HTR3A: variants seen among roughly 807,000 people sequenced by gnomAD.
The protein encoded by HTR3A is 5-hydroxytryptamine (serotonin) receptor 3A, ionotropic.
A neutral mutation model predicts 54.8 loss-of-function variants in HTR3A; 45 were observed. That is an observed-to-expected ratio of 0.82 (90% CI 0.65 to 1.05). The LOEUF (loss-of-function observed/expected upper bound fraction) is 1.05, where lower values mean the gene tolerates loss of function less well. HTR3A is among the 50% of genes least tolerant of loss of function. HTR3A has a pLI of 0.00. For missense variants in HTR3A, 657 were observed against 614.0 expected (o/e 1.07, Z -0.74); for synonymous variants, 297 against 256.0 (o/e 1.16, Z -1.53).
At chr11:113,987,582 T>TG (rs397778986) in intron 8 of HTR3A, among the ~76,000 whole-genome samples, 1 of 150,844 alleles carries the variant, frequency 6.6e-6, no homozygotes, top group Non-Finnish European at 1.5e-5. Context: ...ATTTTTTTTT[T>TG]CAAGTTGGCT....
In HTR3A at chr11:113,983,351, C is replaced by T. The variant is rs559543998; in HGVS notation, c.544+62C>T. Reference sequence around the variant, plus strand: ...TTGGGGGACCCCAGGGACACCTGAGCGAGGAGTGCTCCCCAGGGCGCCTTC... The same window carrying T: ...TTGGGGGACCCCAGGGACACCTGAGTGAGGAGTGCTCCCCAGGGCGCCTTC... On this transcript the variant is annotated intron_variant, in intron 5 of 8. Transcript: ENST00000504030. The T allele has an allele frequency of 1.1e-4, 167 of 1,581,316 alleles. 1 individual carries two copies. The Middle Eastern group carries it at 2.5e-3, about 23-fold the overall frequency.
rs138255450 is a variant in HTR3A, at chr11:113,977,846, G to A, written c.143G>A (p.Gly48Asp). 8 of 1,614,100 alleles carry A rather than the reference G, an allele frequency of 5.0e-6. No homozygotes were observed. Among genetic ancestry groups the A allele is most frequent in the Non-Finnish European group, 6.8e-6 (8 of 1,180,048 alleles). Reference protein sequence around the residue: ...SDYLLTNYRKGVRPVRDWRKP... With the variant: ...SDYLLTNYRKDVRPVRDWRKP... ...TACCTTTTGACCAACTACAGGAAGGGTGTGCGCCCCGTGAGGGACTGGAGG... is the reference window on the plus strand; with the variant it reads ...TACCTTTTGACCAACTACAGGAAGGATGTGCGCCCCGTGAGGGACTGGAGG... The change falls in exon 2 of 9, where the codon GGT becomes GAT. Residue 48 changes from glycine (G) to aspartate (D), a missense_variant. Gly to Asp is a moderately conservative substitution (Grantham distance 94, BLOSUM62 -1). Transcript: ENST00000504030.
chr11:113,978,407 A>T (rs1169252896), intron 2 of HTR3A, among the ~76,000 whole-genome samples: 2 of 152,152 alleles, frequency 1.3e-5, no homozygotes, highest in Non-Finnish European at 2.9e-5. Flanking sequence ...TGCAGAGATA[A>T]ACAAGGAGGC....
At chr11:113,984,762 C>CA (rs530881343) in intron 5 of HTR3A, among the ~76,000 whole-genome samples, 46 of 152,068 alleles carry the variant, frequency 3.0e-4, no homozygotes, top group Non-Finnish European at 5.1e-4. Flanking sequence ...ATTAAAAATA[C>CA]AAAAAATTAG....
chr11:113,983,663 G>A (rs1399880268), intron 5 of HTR3A, among the ~76,000 whole-genome samples: 3 of 152,104 alleles, frequency 2.0e-5, no homozygotes, highest in Non-Finnish European at 4.4e-5. Flanking sequence ...GTGAACTGAC[G>A]GCAAGACGCT....
intron 8 of HTR3A, among the ~76,000 whole-genome samples, chr11:113,987,960 A>G (rs1464661355): frequency 6.6e-6 from 1 of 152,252 alleles, no homozygotes; most frequent in Non-Finnish European, 1.5e-5. Flanking sequence ...TGTAATACTC[A>G]TGACAACCCA....
intron 1 of HTR3A, among the ~76,000 whole-genome samples, chr11:113,976,946 A>G (rs1169678275): frequency 6.6e-6 from 1 of 151,958 alleles, no homozygotes; most frequent in Non-Finnish European, 1.5e-5. Context: ...TGAGCTGTGC[A>G]TGAAATCTTC....
chr11:113,980,594 T>C (rs999685959), intron 3 of HTR3A, among the ~76,000 whole-genome samples: 6 of 152,222 alleles, frequency 3.9e-5, no homozygotes, highest in Admixed American at 2.0e-4. Context: ...TCCAGCAGTG[T>C]TTCATTGCAT....
rs1424612009 is a variant in HTR3A, at chr11:113,989,765, TG to T, written c.*5del. 8.1e-6 allele frequency: 13 copies of T among 1,608,622 alleles called. No homozygotes were observed. The highest frequency in any genetic ancestry group is 6.7e-5 in the Admixed American group (4 of 59,996). On this transcript the variant is annotated 3_prime_UTR_variant, in exon 9 of 9. Coordinates refer to ENST00000504030, the MANE Select transcript of HTR3A (RefSeq NM_000869.6). The surrounding 1 kb of genome is among the most constrained non-coding windows in gnomAD (Gnocchi z 4.4). Reference sequence around the variant, plus strand: ...TGGTCCATCTGGCAGTACGCTTGAGTGGGTACAGCCCAGTGGAGGAGGGGGT... The same window carrying T: ...TGGTCCATCTGGCAGTACGCTTGAGTGGTACAGCCCAGTGGAGGAGGGGGT...
intron 5 of HTR3A, among the ~76,000 whole-genome samples, chr11:113,985,698 T>G (rs969956890): frequency 2.0e-5 from 3 of 150,018 alleles, no homozygotes; most frequent in African/African-American, 2.4e-5. Context: ...TTGGAAGGGG[T>G]GTGTGTGTGT....
intron 1 of HTR3A, among the ~76,000 whole-genome samples, chr11:113,976,408 G>T (rs1284464602): frequency 6.6e-6 from 1 of 152,106 alleles, no homozygotes; most frequent in Non-Finnish European, 1.5e-5. Context: ...ACGCACACGG[G>T]TCTGCGTTTG....
At chr11:113,981,888 A>G (rs1450362900) in intron 4 of HTR3A, among the ~76,000 whole-genome samples, 4 of 150,638 alleles carry the variant, frequency 2.7e-5, no homozygotes, top group Non-Finnish European at 1.5e-5. Context: ...AACCTGGGAG[A>G]TGGAGGTTGT....
rs1176358511 is a variant in HTR3A, at chr11:113,987,346, G to T, written c.1138+300G>T. Among the ~76,000 whole-genome samples, 4 of 152,344 alleles carry T rather than the reference G, an allele frequency of 2.6e-5. No individual in the cohort carries two copies. In the South Asian group the frequency reaches 6.2e-4, roughly 24 times the overall value. The stretch of plus-strand genomic sequence containing the variant: ...TGGCCTCTCTCTAGGATGGACCCAT[G>T]GGTGAAGTCAAACGGATGCCCCTTA... On this transcript the variant is annotated intron_variant, in intron 8 of 8. Coordinates refer to ENST00000504030, the MANE Select transcript of HTR3A (RefSeq NM_000869.6).
intron 4 of HTR3A, 94 bp downstream of exon 4, chr11:113,981,406 G>C (rs1950420817): frequency 1.3e-6 from 1 of 791,680 alleles, no homozygotes; most frequent in Non-Finnish European, 2.2e-6. Context: ...TTGCATTTGA[G>C]ATGTCCCACC....
intron 1 of HTR3A, chr11:113,977,366 G>C (rs1341042399): frequency 3.3e-6 from 2 of 606,126 alleles, no homozygotes; most frequent in Non-Finnish European, 5.8e-6. Flanking sequence ...TTGGGGTCAT[G>C]CTTTCTTGCA....
intron 1 of HTR3A, 150 bp from the exon 2 acceptor site, chr11:113,977,621 T>C: frequency 6.7e-7 from 1 of 1,503,216 alleles, no homozygotes; most frequent in Non-Finnish European, 9.1e-7. Context: ...GACAAAATGC[T>C]CTAGTGGTGA....
chr11:113,976,130 G>A (rs1270718938), intron 1 of HTR3A, among the ~76,000 whole-genome samples: 3 of 152,150 alleles, frequency 2.0e-5, no homozygotes, highest in Admixed American at 1.3e-4. Context: ...GGCACAATTA[G>A]AGGAAGCCAT....
intron 5 of HTR3A, among the ~76,000 whole-genome samples, chr11:113,984,319 T>C (rs997314600): frequency 3.3e-5 from 5 of 152,116 alleles, no homozygotes; most frequent in African/African-American, 1.2e-4. Flanking sequence ...CTCTCCTAGA[T>C]ATAAACTTAG....
intron 3 of HTR3A, 126 bp from the exon 4 acceptor site, chr11:113,981,077 A>G: frequency 1.4e-6 from 1 of 705,088 alleles, no homozygotes; most frequent in South Asian, 1.5e-5. Context: ...CGCCACTGAC[A>G]CCAGCTTCTC....
Sources: allele counts gnomAD v4.1 joint callset (sites outside exome capture counted in the v4.1 genomes callset), GRCh38; gene constraint gnomAD v4.1.1; non-coding constraint Gnocchi (gnomAD v3.1); transcripts MANE v1.5; gene names NCBI Gene and HGNC (gene_info 2026-07-23, HGNC 2026-07-21).